TMEM178A: variants seen among roughly 807,000 people sequenced by gnomAD.
TMEM178A encodes transmembrane protein 178A.
In TMEM178A, 12 loss-of-function variants were observed where a neutral mutation model predicts 29.1. That is an observed-to-expected ratio of 0.41 (90% CI 0.26 to 0.67). The LOEUF (loss-of-function observed/expected upper bound fraction) is 0.67, where lower values mean the gene tolerates loss of function less well. TMEM178A is among the 30% of genes least tolerant of loss of function. TMEM178A has a pLI of 0.29. For missense variants in TMEM178A, 366 were observed against 419.1 expected, an observed-to-expected ratio of 0.87 and a Z score of 1.11; for synonymous variants, 210 against 187.2, an observed-to-expected ratio of 1.12 and a Z score of -0.99.
chr2:39,685,480 G>T (rs925961255), intron 1 of TMEM178A, among the ~76,000 whole-genome samples: 1 of 152,114 alleles, frequency 6.6e-6, no homozygotes. Context: ...TCCTTCTCTA[G>T]ACTCTAAGCT....
intron 1 of TMEM178A, among the ~76,000 whole-genome samples, chr2:39,677,093 C>G (rs555347584): frequency 6.6e-6 from 1 of 152,284 alleles, no homozygotes; most frequent in East Asian, 1.9e-4. Context: ...ATTTAATACA[C>G]ATTGGATTGG....
chr2:39,712,093 C>T (rs1405147909), intron 3 of TMEM178A, among the ~76,000 whole-genome samples: 2 of 118,230 alleles, frequency 1.7e-5, no homozygotes, highest in Non-Finnish European at 3.6e-5. Context: ...GTTTCTTTCT[C>T]TCTATTAGTT....
chr2:39,726,805 G>C, the TMEM178A span, among the ~76,000 whole-genome samples: 4 of 152,116 alleles, frequency 2.6e-5, no homozygotes, highest in African/African-American at 9.7e-5. Context: ...GTAAGGGTTG[G>C]GGGTGGGTAA....
chr2:39,723,278 T>C, the TMEM178A span, among the ~76,000 whole-genome samples: 1 of 152,212 alleles, frequency 6.6e-6, no homozygotes, highest in Non-Finnish European at 1.5e-5. Context: ...GCACTTATCA[T>C]ATTGCTTAAA....
At chr2:39,721,109 G>A (rs916975464), downstream of TMEM178A, among the ~76,000 whole-genome samples, 3 of 152,222 alleles carry the variant, frequency 2.0e-5, no homozygotes, top group Non-Finnish European at 4.4e-5. Flanking sequence ...CTATCCTGAC[G>A]AAGAACACAT....
Position 39,717,456 on chromosome 2 carries a change from A to G in TMEM178A, c.*205A>G, listed in dbSNP as rs1672595723. 3.3e-6 allele frequency: 2 copies of G among 604,400 alleles called. No homozygotes were observed. The highest frequency in any genetic ancestry group is 3.6e-5 in the Admixed American group (1 of 27,496). 37.4% of individuals were successfully genotyped at this position (604,400 alleles called of 1,614,324 possible). On this transcript the variant is annotated 3_prime_UTR_variant, in exon 4 of 4. Transcript: ENST00000281961. Reference sequence around the variant, plus strand: ...GATTCAAGTGCTTTAATGACTATTTATGCGTTGACTGTGAGAATAGGGAGC... The same window carrying G: ...GATTCAAGTGCTTTAATGACTATTTGTGCGTTGACTGTGAGAATAGGGAGC...
In TMEM178A at chr2:39,717,382, A is replaced by G; in HGVS notation, c.*131A>G. On this transcript the variant is annotated 3_prime_UTR_variant, in exon 4 of 4. Coordinates refer to ENST00000281961, the MANE Select transcript of TMEM178A (RefSeq NM_152390.3). ...TGCCAGCCCTTTCTGGATTACTGAT[A>G]GAAAATCATGCAAAACCTCCCAACC... is the stretch of plus-strand genomic sequence containing the variant. 1 of 1,354,736 alleles carries G rather than the reference A, an allele frequency of 7.4e-7. No individual in the cohort carries two copies. Among genetic ancestry groups the G allele is most frequent in the Non-Finnish European group, 9.8e-7 (1 of 1,016,540 alleles). 83.9% of individuals were successfully genotyped at this position (1,354,736 alleles called of 1,614,324 possible).
rs559546324 is a variant in TMEM178A, at chr2:39,678,774, C to A, written c.400+12400C>A. Among the ~76,000 whole-genome samples the A allele has an allele frequency of 1.6e-4, 24 of 152,306 alleles. No homozygotes were observed. In the South Asian group the frequency reaches 4.8e-3, roughly 30 times the overall value. On this transcript the variant is annotated intron_variant, in intron 1 of 3. Transcript: ENST00000281961. ...TTAGCAGGTCATAAAAAAGCTTTTA[C>A]CTTGTGGCTCCAGCTGCCTTTCTGG...
chr2:39,686,913 G>A (rs1255640222), intron 1 of TMEM178A, among the ~76,000 whole-genome samples: 1 of 151,680 alleles, frequency 6.6e-6, no homozygotes, highest in Non-Finnish European at 1.5e-5. Context: ...AAATGTTTTG[G>A]GGGCCTGAGA....
the TMEM178A span, among the ~76,000 whole-genome samples, chr2:39,730,250 A>T: frequency 6.6e-6 from 1 of 152,166 alleles, no homozygotes; most frequent in Non-Finnish European, 1.5e-5. Flanking sequence ...GTTTCCACGA[A>T]TGACCCTGGG....
chr2:39,698,663 T>C (rs1158514337), intron 1 of TMEM178A, among the ~76,000 whole-genome samples: 1 of 151,906 alleles, frequency 6.6e-6, no homozygotes, highest in African/African-American at 2.4e-5. Flanking sequence ...AATAATGGCC[T>C]CATAGAAAGA....
chr2:39,688,124 A>T (rs1277897541), intron 1 of TMEM178A, among the ~76,000 whole-genome samples: 1 of 152,262 alleles, frequency 6.6e-6, no homozygotes, highest in Non-Finnish European at 1.5e-5. Context: ...TTGGCAGGCC[A>T]TTTAAGTGCT....
chr2:39,734,675 C>T, the TMEM178A span, among the ~76,000 whole-genome samples: 5 of 152,234 alleles, frequency 3.3e-5, no homozygotes, highest in South Asian at 1.0e-3. Flanking sequence ...CTAGTTTAGA[C>T]TGTCTAGACT....
intron 1 of TMEM178A, among the ~76,000 whole-genome samples, chr2:39,676,938 A>T (rs1271901922): frequency 6.6e-6 from 1 of 152,214 alleles, no homozygotes; most frequent in African/African-American, 2.4e-5. Flanking sequence ...GAGTCTCTTT[A>T]ATCTCTAGAG....
intron 1 of TMEM178A, chr2:39,697,817 A>G (rs1364212389): frequency 6.6e-6 from 1 of 152,312 alleles, no homozygotes; most frequent in Non-Finnish European, 1.5e-5. Flanking sequence ...TGCCCATTAC[A>G]AGCACGGAAC....
chr2:39,708,509 C>A (rs1672147610), intron 3 of TMEM178A, among the ~76,000 whole-genome samples: 1 of 147,330 alleles, frequency 6.8e-6, no homozygotes, highest in African/African-American at 2.5e-5. Flanking sequence ...AGCTCCGCCT[C>A]CCGGGTTCAC....
At chr2:39,676,945 A>G (rs1670654129) in intron 1 of TMEM178A, among the ~76,000 whole-genome samples, 2 of 152,204 alleles carry the variant, frequency 1.3e-5, no homozygotes, top group Non-Finnish European at 1.5e-5. Flanking sequence ...TTTAATCTCT[A>G]GAGATTCAGA....
chr2:39,708,297 G>T (rs938197572), intron 3 of TMEM178A, among the ~76,000 whole-genome samples: 4 of 152,024 alleles, frequency 2.6e-5, no homozygotes, highest in African/African-American at 9.7e-5. Flanking sequence ...TGAGGTGGGG[G>T]AAGTGGGCAG....
chr2:39,731,859 G>A, the TMEM178A span, among the ~76,000 whole-genome samples: 1 of 152,300 alleles, frequency 6.6e-6, no homozygotes, highest in Non-Finnish European at 1.5e-5. Flanking sequence ...TGGGGCCACT[G>A]AGCAAGCACC....
Sources: gnomAD v4.1 joint callset for allele counts (sites outside exome capture counted in the v4.1 genomes callset) on GRCh38, gnomAD v4.1.1 for gene constraint, MANE v1.5 for transcripts, NCBI Gene and HGNC (gene_info 2026-07-23, HGNC 2026-07-21) for gene names.